Variants in CSMD1 observed in about 807,000 individuals in gnomAD.
CSMD1 encodes the protein CUB and sushi domain-containing protein 1.
Under a neutral mutation model 417.5 loss-of-function variants are expected in CSMD1, and 213 were observed. That is an observed-to-expected ratio of 0.51 (90% confidence interval 0.46 to 0.57). The LOEUF (loss-of-function observed/expected upper bound fraction) is 0.57. Ranked by LOEUF, CSMD1 falls within the 20% of genes least tolerant of loss-of-function variation. CSMD1 has a pLI of 0.00. For missense variants in CSMD1, 6,923 were observed against 4,529.7 expected, an observed-to-expected ratio of 1.53 and a Z score of -15.17; for synonymous variants, 2,862 against 1,736.8, an observed-to-expected ratio of 1.65 and a Z score of -16.11.
At chr8:3,675,234 G>T (rs1489539617) in intron 7 of CSMD1, among the ~76,000 whole-genome samples, 1 of 152,208 alleles carries the variant, frequency 6.6e-6, no homozygotes, top group Middle Eastern at 3.4e-3. Context: ...TGCAGCACCT[G>T]TTGGTCTTCA....
At chr8:3,403,559 G>A (rs983186793) in intron 15 of CSMD1, among the ~76,000 whole-genome samples, 2 of 152,136 alleles carry the variant, frequency 1.3e-5, no homozygotes, top group African/African-American at 2.4e-5. Context: ...CATCCTGTTT[G>A]TGCTGTGGTC....
At chr8:3,881,290 C>G (rs1806187215) in intron 5 of CSMD1, among the ~76,000 whole-genome samples, 1 of 150,324 alleles carries the variant, frequency 6.7e-6, no homozygotes, top group African/African-American at 2.4e-5. Context: ...ATTCATAAGC[C>G]AATTCTAATA....
chr8:4,953,094 A>C (rs891482778), intron 1 of CSMD1, among the ~76,000 whole-genome samples: 1 of 152,142 alleles, frequency 6.6e-6, no homozygotes, highest in Non-Finnish European at 1.5e-5. Flanking sequence ...TAAAAGAAAT[A>C]TATATTCAAA....
intron 5 of CSMD1, among the ~76,000 whole-genome samples, chr8:3,780,311 G>C (rs78200184): frequency 0.036 from 5,445 of 152,270 alleles, 307 homozygotes; most frequent in African/African-American, 0.12. Flanking sequence ...CCGCAAATGA[G>C]TCAACTGAAA....
At chr8:4,124,424 G>T (rs145470397) in intron 3 of CSMD1, among the ~76,000 whole-genome samples, 1 of 151,788 alleles carries the variant, frequency 6.6e-6, no homozygotes, top group Non-Finnish European at 1.5e-5. Context: ...TTTCCCTTTA[G>T]TGTAGAAGGG....
At chr8:3,785,702 C>A (rs201962267) in intron 5 of CSMD1, among the ~76,000 whole-genome samples, 17 of 152,068 alleles carry the variant, frequency 1.1e-4, no homozygotes, top group Non-Finnish European at 2.5e-4. Flanking sequence ...GGAGGAGCCA[C>A]GTGCTACCAA....
At chr8:4,857,872 C>G (rs558126536) in intron 1 of CSMD1, among the ~76,000 whole-genome samples, 16 of 151,864 alleles carry the variant, frequency 1.1e-4, no homozygotes, top group African/African-American at 3.4e-4. Flanking sequence ...TGAAACTATT[C>G]CAATCAATAG....
chr8:4,389,125 T>A (rs1803668802), intron 3 of CSMD1, among the ~76,000 whole-genome samples: 1 of 152,224 alleles, frequency 6.6e-6, no homozygotes, highest in African/African-American at 2.4e-5. Context: ...ATGATAAATA[T>A]TAAGTGTATC....
At chr8:3,884,312 T>G in intron 5 of CSMD1, among the ~76,000 whole-genome samples, 1 of 152,314 alleles carries the variant, frequency 6.6e-6, no homozygotes, top group Non-Finnish European at 1.5e-5. Flanking sequence ...TAAAACATTA[T>G]ATGTGCAATA....
At chr8:4,384,329 G>A (rs1584991854) in intron 3 of CSMD1, among the ~76,000 whole-genome samples, 1 of 152,074 alleles carries the variant, frequency 6.6e-6, no homozygotes, top group African/African-American at 2.4e-5. Flanking sequence ...CTACCTCATG[G>A]CAACGCACAC....
intron 5 of CSMD1, among the ~76,000 whole-genome samples, chr8:3,774,336 G>C (rs1798785247): frequency 6.6e-6 from 1 of 152,122 alleles, no homozygotes; most frequent in African/African-American, 2.4e-5. Context: ...CAGTGCCTGA[G>C]GTGTTATCAT....
chr8:3,571,391 A>G (rs1302231783), intron 10 of CSMD1, among the ~76,000 whole-genome samples: 1 of 152,170 alleles, frequency 6.6e-6, no homozygotes, highest in Admixed American at 6.5e-5. Context: ...TCCCTGGTTA[A>G]AGGTACGGAG....
At chr8:3,438,844 G>T (rs1814746569) in intron 12 of CSMD1, among the ~76,000 whole-genome samples, 1 of 151,864 alleles carries the variant, frequency 6.6e-6, no homozygotes, top group Non-Finnish European at 1.5e-5. Context: ...GGCCAGGTGT[G>T]GTGGCTTGCA....
intron 5 of CSMD1, among the ~76,000 whole-genome samples, chr8:3,915,391 G>A (rs1173537352): frequency 1.7e-5 from 2 of 119,450 alleles, no homozygotes; most frequent in Non-Finnish European, 3.2e-5. Flanking sequence ...AGGCGTCACA[G>A]TAAGACTCTG....
chr8:4,426,752 A>G (rs1391156674), intron 2 of CSMD1, among the ~76,000 whole-genome samples: 2 of 148,012 alleles, frequency 1.4e-5, no homozygotes, highest in Non-Finnish European at 3.0e-5. Context: ...ATATAGTAAT[A>G]TAGTAATATT....
At position 4,768,731 on chromosome 8, in the gene CSMD1, G is replaced by A. The variant is rs73177563; in HGVS notation, c.86-131173C>T. Among the ~76,000 whole-genome samples, 973 of 152,312 alleles carry A rather than the reference G, an allele frequency of 6.4e-3. 4 individuals carry two copies. Among genetic ancestry groups the A allele is most frequent in the Non-Finnish European group, 0.01 (694 of 68,024 alleles). ...CACTGGAGCACCAAACTCCCCAGGA[G>A]TGTCCCTCTCCTTAGTGATGCTACT... On this transcript the variant is annotated intron_variant, in intron 1 of 69. Transcript: ENST00000635120.
At chr8:4,729,042 T>C (rs1809674982) in intron 1 of CSMD1, among the ~76,000 whole-genome samples, 1 of 152,134 alleles carries the variant, frequency 6.6e-6, no homozygotes, top group Non-Finnish European at 1.5e-5. Flanking sequence ...AAGAGATAAA[T>C]TCACTGATGA....
intron 1 of CSMD1, among the ~76,000 whole-genome samples, chr8:4,964,003 G>T (rs891015590): frequency 2.6e-5 from 4 of 151,920 alleles, no homozygotes; most frequent in African/African-American, 9.7e-5. Context: ...TAAGCATATG[G>T]CACATGTGAA....
At chr8:2,954,928 C>T (rs1802894678) in intron 64 of CSMD1, among the ~76,000 whole-genome samples, 1 of 152,330 alleles carries the variant, frequency 6.6e-6, no homozygotes, top group East Asian at 1.9e-4. Flanking sequence ...GACTGTCTCA[C>T]ACGCCATCAT....
Sources: allele counts gnomAD v4.1 joint callset (sites outside exome capture counted in the v4.1 genomes callset), GRCh38; gene constraint gnomAD v4.1.1; transcripts MANE v1.5; gene names NCBI Gene and HGNC (gene_info 2026-07-23, HGNC 2026-07-21).